CHL1: variants seen among roughly 807,000 people sequenced by gnomAD.
CHL1 encodes cell adhesion molecule L1 like.
Under a neutral mutation model 141.9 loss-of-function variants are expected in CHL1, and 96 were observed. The ratio of observed to expected loss-of-function variants is 0.68; its 90% confidence interval spans 0.57 to 0.80. The LOEUF is 0.80. Among genes scored for constraint, CHL1 ranks in the 30% least tolerant of loss-of-function variants. The pLI is 0.00. For missense variants in CHL1, 1,820 were observed against 1,457.2 expected, an observed-to-expected ratio of 1.25 and a Z score of -4.05; for synonymous variants, 613 against 502.2, an observed-to-expected ratio of 1.22 and a Z score of -2.95.
At chr3:385,445 T>C (rs1343231462) in intron 19 of CHL1, among the ~76,000 whole-genome samples, 2 of 152,184 alleles carry the variant, frequency 1.3e-5, no homozygotes, top group Non-Finnish European at 2.9e-5. Flanking sequence ...TTTTGACTGC[T>C]CCTCTCACTC....
At chr3:232,258 T>C (rs1319089861) in intron 1 of CHL1, among the ~76,000 whole-genome samples, 1 of 152,320 alleles carries the variant, frequency 6.6e-6, no homozygotes, top group East Asian at 1.9e-4. Context: ...ACAACTGTTT[T>C]TGTATATCGG....
intron 1 of CHL1, among the ~76,000 whole-genome samples, chr3:241,643 A>G (rs17012331): frequency 0.023 from 3,471 of 151,118 alleles, 117 homozygotes; most frequent in African/African-American, 0.079. Flanking sequence ...TTTTTTGTGC[A>G]TATACTATAT....
At chr3:213,995 G>C (rs1015844339) in intron 1 of CHL1, among the ~76,000 whole-genome samples, 7 of 152,134 alleles carry the variant, frequency 4.6e-5, no homozygotes, top group African/African-American at 1.4e-4. Flanking sequence ...GTTAGAGAAA[G>C]CCAAACATAG....
intron 2 of CHL1, among the ~76,000 whole-genome samples, chr3:297,787 C>G (rs1471288722): frequency 6.6e-6 from 1 of 152,186 alleles, no homozygotes; most frequent in African/African-American, 2.4e-5. Context: ...CTTGCCTCAT[C>G]TCTGCAGTAT....
intron 1 of CHL1, among the ~76,000 whole-genome samples, chr3:244,390 G>T (rs568399342): frequency 1.3e-5 from 2 of 152,240 alleles, no homozygotes; most frequent in African/African-American, 4.8e-5. Flanking sequence ...CTTTTTGCAT[G>T]CCTGCCCTCT....
intron 2 of CHL1, chr3:248,152 A>G (rs1693347845): frequency 6.6e-6 from 1 of 152,088 alleles, no homozygotes; most frequent in South Asian, 2.1e-4. Context: ...AATTGCATAC[A>G]TAATTTTGGT....
At chr3:272,608 G>C (rs562881798) in intron 2 of CHL1, among the ~76,000 whole-genome samples, 375 of 152,306 alleles carry the variant, frequency 2.5e-3, no homozygotes, top group Admixed American at 5.6e-3. Flanking sequence ...GGGAATTTTA[G>C]ATCTTACAAT....
chr3:354,616 A>C (rs1185674583), intron 10 of CHL1, 24 bp from the exon 11 acceptor site: 1 of 1,599,664 alleles, frequency 6.3e-7, no homozygotes, highest in Non-Finnish European at 8.5e-7. Flanking sequence ...AACATCTCTC[A>C]TGAGCTCTTC....
chr3:276,313 T>C (rs1185450604), intron 2 of CHL1, among the ~76,000 whole-genome samples: 1 of 152,176 alleles, frequency 6.6e-6, no homozygotes, highest in Non-Finnish European at 1.5e-5. Flanking sequence ...AACTTGAGCT[T>C]TGAAGGTTGG....
chr3:359,730 G>C (rs1205186263), intron 11 of CHL1, among the ~76,000 whole-genome samples: 1 of 152,118 alleles, frequency 6.6e-6, no homozygotes, highest in Non-Finnish European at 1.5e-5. Flanking sequence ...AGTCTTCCTG[G>C]GAAAATGAAA....
At chr3:357,813 T>C (rs1315897420) in intron 11 of CHL1, among the ~76,000 whole-genome samples, 1 of 152,214 alleles carries the variant, frequency 6.6e-6, no homozygotes, top group African/African-American at 2.4e-5. Context: ...CTTACTTTTG[T>C]AATGCAGTGT....
chr3:227,911 C>A (rs1321031483), intron 1 of CHL1, among the ~76,000 whole-genome samples: 1 of 152,200 alleles, frequency 6.6e-6, no homozygotes, highest in Non-Finnish European at 1.5e-5. Context: ...GAGATGATAA[C>A]AGCACTCGTC....
intron 2 of CHL1, among the ~76,000 whole-genome samples, chr3:291,251 T>C (rs1251024878): frequency 6.6e-6 from 1 of 151,988 alleles, no homozygotes; most frequent in Non-Finnish European, 1.5e-5. Flanking sequence ...TGAATTTATT[T>C]ATCCTGGAGA....
rs138845557 is a variant in CHL1, at chr3:369,021, G to A, written c.1751+2906G>A. ...GCCTTGTAGTGTAGTTTGAAGTCAG[G>A]TAGCGTGATGCCTCCAGCTTTGTTC... On this transcript the variant is annotated intron_variant, in intron 15 of 27. Transcript: ENST00000256509. Among the ~76,000 whole-genome samples the A allele has an allele frequency of 2.8e-3, 423 of 152,284 alleles. 2 individuals carry two copies. Among genetic ancestry groups the A allele is most frequent in the African/African-American group, 9.6e-3 (401 of 41,564 alleles).
chr3:254,014 G>C (rs1030180763), intron 2 of CHL1, among the ~76,000 whole-genome samples: 1 of 152,194 alleles, frequency 6.6e-6, no homozygotes, highest in Non-Finnish European at 1.5e-5. Flanking sequence ...GAGGGACAAA[G>C]AGCTAAAGTC....
At chr3:197,821 G>A (rs1459997629) in intron 1 of CHL1, 9 of 456,230 alleles carry the variant, frequency 2.0e-5, no homozygotes, top group Admixed American at 7.1e-5. Flanking sequence ...GGCTGGAGAT[G>A]CCGGTCGCGG....
intron 11 of CHL1, among the ~76,000 whole-genome samples, chr3:357,775 A>T (rs950139869): frequency 1.3e-5 from 2 of 152,234 alleles, no homozygotes; most frequent in Admixed American, 6.5e-5. Flanking sequence ...AATTACTTAA[A>T]TAAAGTATCA....
At chr3:223,222 A>T (rs78651228) in intron 1 of CHL1, among the ~76,000 whole-genome samples, 2 of 152,196 alleles carry the variant, frequency 1.3e-5, no homozygotes, top group Non-Finnish European at 2.9e-5. Flanking sequence ...ATTAAGTGAC[A>T]TTCGGGTGAA....
intron 2 of CHL1, among the ~76,000 whole-genome samples, chr3:274,655 C>T (rs1403490323): frequency 2.0e-5 from 3 of 152,190 alleles, no homozygotes. Flanking sequence ...AAGCAGCATA[C>T]AGTGTGATGC....
Sources: gnomAD v4.1 joint callset for allele counts (sites outside exome capture counted in the v4.1 genomes callset) on GRCh38, gnomAD v4.1.1 for gene constraint, MANE v1.5 for transcripts, NCBI Gene and HGNC (gene_info 2026-07-23, HGNC 2026-07-21) for gene names.